Variants in APBB2 observed in about 807,000 individuals in gnomAD.
The protein encoded by APBB2 is Fe65-like 1.
In APBB2, 38 loss-of-function variants were observed where a neutral mutation model predicts 82.5. The observed-to-expected ratio is 0.46, with a 90% CI of 0.36 to 0.60. The LOEUF (loss-of-function observed/expected upper bound fraction) is 0.60. Among genes scored for constraint, APBB2 ranks in the 20% least tolerant of loss-of-function variants. The pLI is 0.00. For missense variants in APBB2, 772 were observed against 972.3 expected, an observed-to-expected ratio of 0.79 and a Z score of 2.74; for synonymous variants, 341 against 368.2, an observed-to-expected ratio of 0.93 and a Z score of 0.85.
intron 2 of APBB2, among the ~76,000 whole-genome samples, chr4:41,110,200 G>A (rs143415585): frequency 1.2e-3 from 178 of 152,354 alleles, no homozygotes; most frequent in African/African-American, 4.1e-3. Flanking sequence ...TGCAAGGCCC[G>A]TGGCTGCCAC....
At chr4:40,951,394 C>T (rs1199516629) in intron 6 of APBB2, among the ~76,000 whole-genome samples, 1 of 152,210 alleles carries the variant, frequency 6.6e-6, no homozygotes, top group East Asian at 1.9e-4. Flanking sequence ...AGGTATTTTT[C>T]AGTACCTAAA....
intron 3 of APBB2, among the ~76,000 whole-genome samples, chr4:41,094,035 C>T (rs773207726): frequency 1.4e-4 from 22 of 152,004 alleles, no homozygotes; most frequent in Middle Eastern, 3.4e-3. Context: ...TATGTTAATT[C>T]GCTTAATTTA....
intron 10 of APBB2, among the ~76,000 whole-genome samples, chr4:40,896,446 T>C (rs576098793): frequency 5.5e-4 from 84 of 152,348 alleles, no homozygotes; most frequent in South Asian, 1.4e-3. Flanking sequence ...CTGTGGGACC[T>C]TGGACAAGTC....
At chr4:40,852,971 T>C (rs926138942) in intron 12 of APBB2, among the ~76,000 whole-genome samples, 4 of 152,140 alleles carry the variant, frequency 2.6e-5, no homozygotes, top group African/African-American at 9.7e-5. Flanking sequence ...ACAACATAAA[T>C]GTAAAGGGAG....
At chr4:41,013,534 GAT>G in intron 6 of APBB2, 47 bp downstream of exon 6, 2 of 1,485,806 alleles carry the variant, frequency 1.3e-6, no homozygotes, top group Non-Finnish European at 1.8e-6. Context: ...TAGTTGAAAA[GAT>G]AAAAAAAAAA....
chr4:41,120,442 GC>G (rs547943799), intron 2 of APBB2, among the ~76,000 whole-genome samples: 60 of 152,266 alleles, frequency 3.9e-4, no homozygotes, highest in African/African-American at 1.4e-3. Context: ...CGACACATGA[GC>G]AAAAGCCAAG....
intron 10 of APBB2, among the ~76,000 whole-genome samples, chr4:40,928,389 C>A (rs1783189102): frequency 1.9e-5 from 1 of 52,734 alleles, no homozygotes; most frequent in East Asian, 1.9e-3. Context: ...CTAAAGAAAA[C>A]ACACACACAC....
intron 12 of APBB2, among the ~76,000 whole-genome samples, chr4:40,884,175 A>G (rs976382050): frequency 3.9e-5 from 6 of 152,152 alleles, no homozygotes; most frequent in Non-Finnish European, 8.8e-5. Context: ...TGGCAAAAAT[A>G]CCTGGGGTGT....
Position 40,930,441 on chromosome 4 carries a change from G to C in APBB2, c.1254+4015C>G, listed in dbSNP as rs999651287. Among the ~76,000 whole-genome samples, 36 of 39,488 alleles carry C rather than the reference G, an allele frequency of 9.1e-4. 1 individual carries two copies. In the East Asian group the frequency reaches 0.012, roughly 13 times the overall value. The allele number at this position is 39,488 out of a possible 152,430, so 25.9% of individuals were successfully genotyped here. On this transcript the variant is annotated intron_variant, in intron 10 of 17. Coordinates refer to ENST00000508593, the MANE Select transcript of APBB2 (RefSeq NM_004307.2). Reference sequence around the variant, plus strand: ...GGGAAGTGTGTGTGTGTGTGTGTGTGTGTGTGTGCGCGCGCGCGCGCGCGC... The same window carrying C: ...GGGAAGTGTGTGTGTGTGTGTGTGTCTGTGTGTGCGCGCGCGCGCGCGCGC...
At chr4:41,110,516 T>A (rs1748804452) in intron 2 of APBB2, among the ~76,000 whole-genome samples, 1 of 149,656 alleles carries the variant, frequency 6.7e-6, no homozygotes, top group Non-Finnish European at 1.5e-5. Context: ...GGCAGGAGAA[T>A]CACTTGAGCC....
chr4:41,020,798 A>C (rs542392507), intron 5 of APBB2, among the ~76,000 whole-genome samples: 1 of 152,184 alleles, frequency 6.6e-6, no homozygotes, highest in Admixed American at 6.5e-5. Flanking sequence ...TCCCAAATAG[A>C]CTCTGGCAGC....
chr4:41,074,496 G>A (rs1328091053), intron 3 of APBB2, among the ~76,000 whole-genome samples: 9 of 151,940 alleles, frequency 5.9e-5, no homozygotes, highest in East Asian at 1.9e-4. Context: ...GAAAGATTTC[G>A]TCTCAGAACT....
In APBB2 at chr4:40,881,530, T is replaced by TTTC. The variant is rs1553952963; in HGVS notation, c.1529+8833_1529+8834insGAA. ...TCTTTCCTTTTATCTTTTCTTTTCT[T>TTTC]TTTCTTTTTTTTTTTTTTTTTGATA... On this transcript the variant is annotated intron_variant, in intron 12 of 17. Transcript: ENST00000508593. 2.3e-4 allele frequency: 47 copies of TTTC among 207,954 alleles called. 2 individuals are homozygous for TTTC. The highest frequency in any genetic ancestry group is 7.0e-4 in the African/African-American group (25 of 35,926). 12.9% of individuals were successfully genotyped at this position (207,954 alleles called of 1,614,324 possible). A position where few individuals can be genotyped will look rare whatever the true frequency, so the allele number is the denominator to read the frequency against.
chr4:40,906,892 C>G (rs891771098), intron 10 of APBB2, among the ~76,000 whole-genome samples: 3 of 152,104 alleles, frequency 2.0e-5, no homozygotes, highest in African/African-American at 7.2e-5. Context: ...CCCACACATG[C>G]ACTTATTGAG....
At chr4:41,087,990 C>A (rs1019731871) in intron 3 of APBB2, among the ~76,000 whole-genome samples, 1 of 152,134 alleles carries the variant, frequency 6.6e-6, no homozygotes, top group East Asian at 1.9e-4. Flanking sequence ...GAATGGTAAC[C>A]GTCACCTTCA....
At chr4:40,846,683 C>T (rs942641173) in intron 12 of APBB2, among the ~76,000 whole-genome samples, 1 of 152,132 alleles carries the variant, frequency 6.6e-6, no homozygotes. Flanking sequence ...AGTTAGACTT[C>T]CAGCACTTAG....
chr4:41,088,486 G>T (rs1740606824), intron 3 of APBB2, among the ~76,000 whole-genome samples: 1 of 152,258 alleles, frequency 6.6e-6, no homozygotes, highest in Non-Finnish European at 1.5e-5. Context: ...TGCGCTGTGA[G>T]AGGTGGATTT....
At chr4:41,064,371 C>T (rs13130182) in intron 4 of APBB2, among the ~76,000 whole-genome samples, 38,168 of 152,048 alleles carry the variant, frequency 0.25, 5,136 homozygotes, top group Admixed American at 0.4. Context: ...CTGAGCTGCA[C>T]AAGGTAATAG....
At chr4:40,848,585 T>G (rs1374909517) in intron 12 of APBB2, among the ~76,000 whole-genome samples, 5 of 152,206 alleles carry the variant, frequency 3.3e-5, no homozygotes, top group Non-Finnish European at 5.9e-5. Flanking sequence ...GACTTTTGGT[T>G]CCACCACTGC....
Sources: allele counts gnomAD v4.1 joint callset (sites outside exome capture counted in the v4.1 genomes callset), GRCh38; gene constraint gnomAD v4.1.1; transcripts MANE v1.5; gene names NCBI Gene and HGNC (gene_info 2026-07-23, HGNC 2026-07-21).